SYNE2: variants seen among roughly 807,000 people sequenced by gnomAD.
The protein encoded by SYNE2 is spectrin repeat containing nuclear envelope protein 2.
SYNE2 carries 431 observed loss-of-function variants against 856.3 expected under a neutral mutation model. The observed-to-expected ratio is 0.50, with a 90% CI of 0.47 to 0.55. The LOEUF (loss-of-function observed/expected upper bound fraction) is 0.55. Ranked by LOEUF, SYNE2 falls within the 20% of genes least tolerant of loss-of-function variation. The probability of loss-of-function intolerance (pLI) is 0.00; values close to 1 mark genes in which losing one functional copy is unlikely to be tolerated. For synonymous variants in SYNE2, 2,923 were observed against 2,872.3 expected, an observed-to-expected ratio of 1.02 and a Z score of -0.56; for missense variants, 8,129 against 8,023.2, an observed-to-expected ratio of 1.01 and a Z score of -0.50.
At chr14:64,028,181 A>C (rs906169884) in intron 43 of SYNE2, among the ~76,000 whole-genome samples, 4 of 152,116 alleles carry the variant, frequency 2.6e-5, no homozygotes, top group African/African-American at 9.7e-5. Flanking sequence ...CTGGGACTAC[A>C]GACGTGAGCC....
chr14:64,146,236 A>G lies in SYNE2; in HGVS notation c.15639+13A>G. 1 of 1,599,708 alleles carries G rather than the reference A, an allele frequency of 6.3e-7. No homozygotes were observed. Among genetic ancestry groups the G allele is most frequent in the Non-Finnish European group, 8.5e-7 (1 of 1,173,664 alleles). ...CCTGGACTGTCAGGTGAGGAGGGGA[A>G]CAGCATCCCACCCAACCCGCGAGCT... On this transcript the variant is annotated intron_variant, in intron 84 of 115. Transcript: ENST00000555002.
intron 113 of SYNE2, among the ~76,000 whole-genome samples, 167 bp downstream of exon 113, chr14:64,223,547 C>T (rs953515599): frequency 4.6e-5 from 7 of 152,192 alleles, no homozygotes; most frequent in Middle Eastern, 3.2e-3. Flanking sequence ...TAAAGAGCTG[C>T]ATGAGCTCTT....
At chr14:64,198,216 C>T (rs2098548016) in intron 99 of SYNE2, among the ~76,000 whole-genome samples, 1 of 152,184 alleles carries the variant, frequency 6.6e-6, no homozygotes, top group Non-Finnish European at 1.5e-5. Flanking sequence ...GGCAGCAAAG[C>T]GCTCAGGTGG....
intron 65 of SYNE2, among the ~76,000 whole-genome samples, chr14:64,112,758 T>A (rs897762110): frequency 2.0e-5 from 3 of 152,258 alleles, no homozygotes; most frequent in African/African-American, 7.2e-5. Context: ...AGTTCATTAC[T>A]TGACTCAAGC....
At position 64,026,701 on chromosome 14, in the gene SYNE2, C is replaced by T. The variant is rs750015699; in HGVS notation, c.6375C>T (p.Asn2125=). The change falls in exon 42 of 116, where the codon AAC becomes AAT. Residue 2125 remains asparagine, a synonymous_variant. Transcript: ENST00000555002. Reference sequence around the variant, plus strand: ...CTGACATCAGCAACCAGTGGGACAACACACTCCATTTAGCTAGCACCTACC... The same window carrying T: ...CTGACATCAGCAACCAGTGGGACAATACACTCCATTTAGCTAGCACCTACC... The part of the protein sequence containing the change: ...TLTDISNQWD[N]TLHLASTYLS... 3 of 1,611,474 alleles carry T rather than the reference C, an allele frequency of 1.9e-6. No homozygotes were observed. Among genetic ancestry groups the T allele is most frequent in the South Asian group, 1.1e-5 (1 of 90,476 alleles).
chr14:63,877,834 C>T (rs1000370951), intron 1 of SYNE2, among the ~76,000 whole-genome samples: 2 of 150,696 alleles, frequency 1.3e-5, no homozygotes, highest in Non-Finnish European at 2.9e-5. Flanking sequence ...TAAGGTGTGG[C>T]GTTCTGTATT....
chr14:64,099,042 T>C (rs2097700153), intron 63 of SYNE2: 9 of 538,792 alleles, frequency 1.7e-5, no homozygotes, highest in Middle Eastern at 5.1e-4. Context: ...GACACTCTTG[T>C]TGGCATACGG....
At chr14:63,947,802 C>A (rs1255861) in intron 6 of SYNE2, among the ~76,000 whole-genome samples, 73,603 of 151,836 alleles carry the variant, frequency 0.48, 18,868 homozygotes, top group South Asian at 0.58. Context: ...GTGCCATTGC[C>A]CTCCAGACGG....
rs565578800 is a variant in SYNE2 at position 64,162,496 on chromosome 14, C to A, written c.16299+220C>A. 1.2e-5 allele frequency: 7 copies of A among 594,186 alleles called. No individual in the cohort carries two copies. In the South Asian group the frequency reaches 1.3e-4, roughly 11 times the overall value. The allele number at this position is 594,186 out of a possible 1,614,324, so 36.8% of individuals were successfully genotyped here. A position where few individuals can be genotyped will look rare whatever the true frequency, so the allele number is the denominator to read the frequency against. On this transcript the variant is annotated intron_variant, in intron 88 of 115. Transcript: ENST00000555002. ...TAGCTGGATCAGGGGGACTCGATAT[C>A]ACCTCGTTCCAAGTCTGTGCTTTCT...
At chr14:63,915,633 AAATC>A (rs1412525818) in intron 2 of SYNE2, among the ~76,000 whole-genome samples, 1 of 152,146 alleles carries the variant, frequency 6.6e-6, no homozygotes, top group African/African-American at 2.4e-5. Flanking sequence ...AACCTCTATA[AAATC>A]ATTCAGCCCA....
chr14:63,974,892 GTATATA>G (rs145247655), intron 11 of SYNE2, among the ~76,000 whole-genome samples: 2,584 of 67,334 alleles, frequency 0.038, 218 homozygotes, highest in African/African-American at 0.11. Flanking sequence ...GTGTGTGTGT[GTATATA>G]TATATATATA....
chr14:63,887,817 A>G (rs557646671), intron 1 of SYNE2, among the ~76,000 whole-genome samples: 46 of 133,334 alleles, frequency 3.4e-4, no homozygotes, highest in African/African-American at 1.3e-3. Flanking sequence ...CATTGGTGCC[A>G]TCTTGGCTCA....
rs1198705552 is a variant in SYNE2, at chr14:64,214,321, A to T, written c.19184A>T (p.His6395Leu). ...CCGTCATCTCCTCAGTCCCTGTGTC[A>T]TCTAGTGGCCCCAGGGCACGAGCGG... The part of the protein sequence containing the change: ...EEPSSPQSLC[H>L]LVAPGHERSG... The change falls in exon 106 of 116, where the codon CAT (histidine) becomes CTT (leucine). Residue 6395 changes from histidine to leucine, a missense_variant. His to Leu is a moderately conservative substitution (Grantham distance 99, BLOSUM62 -3). This residue lies in a region of SYNE2 where 5,410 missense variants were observed against 5,284.8 expected (regional missense o/e 1.02). Coordinates refer to ENST00000555002, the MANE Select transcript of SYNE2 (RefSeq NM_182914.3). 43 of 1,614,060 alleles carry T rather than the reference A, an allele frequency of 2.7e-5. No homozygotes were observed. Among genetic ancestry groups the T allele is most frequent in the Non-Finnish European group, 3.6e-5 (42 of 1,180,004 alleles).
intron 75 of SYNE2, 44 bp downstream of exon 75, chr14:64,129,945 G>A: frequency 6.2e-7 from 1 of 1,613,960 alleles, no homozygotes; most frequent in Non-Finnish European, 8.5e-7. Context: ...GTGATTGTGA[G>A]GAGCCAGATC....
chr14:64,034,627 T>G, intron 45 of SYNE2: 1 of 485,438 alleles, frequency 2.1e-6, no homozygotes, highest in Non-Finnish European at 3.7e-6. Context: ...GGTTGACCTT[T>G]TCTTTAATAT....
chr14:63,990,902 T>C (rs769485570), intron 20 of SYNE2, 40 bp from the exon 21 acceptor site: 1 of 1,549,358 alleles, frequency 6.5e-7, no homozygotes, highest in Admixed American at 1.7e-5. Flanking sequence ...TTATTAAGAA[T>C]TGGTCCCCGT....
At chr14:64,102,091 G>A in intron 64 of SYNE2, 49 bp downstream of exon 64, 2 of 1,302,052 alleles carry the variant, frequency 1.5e-6, no homozygotes, top group East Asian at 2.3e-5. Flanking sequence ...GGGCCCAGGG[G>A]GGAGCAGGGA....
At chr14:64,102,178 A>G in intron 64 of SYNE2, 136 bp downstream of exon 64, 1 of 659,542 alleles carries the variant, frequency 1.5e-6, no homozygotes, top group Middle Eastern at 4.1e-4. Context: ...GTGCAGTCGT[A>G]TGATCTCAGC....
intron 30 of SYNE2, among the ~76,000 whole-genome samples, chr14:64,005,919 C>A (rs180789938): frequency 1.3e-5 from 2 of 151,902 alleles, no homozygotes; most frequent in Non-Finnish European, 2.9e-5. Context: ...GGGAACTAGC[C>A]GAAGAAACTG....
Sources: gnomAD v4.1 joint callset for allele counts (sites outside exome capture counted in the v4.1 genomes callset) on GRCh38, gnomAD v4.1.1 for gene constraint, gnomAD v4.1.1 regional missense constraint, MANE v1.5 for transcripts, NCBI Gene and HGNC (gene_info 2026-07-23, HGNC 2026-07-21) for gene names.